EDA: variants seen among roughly 807,000 people sequenced by gnomAD.
EDA encodes ectodysplasin A.
Under a neutral mutation model 23.6 loss-of-function variants are expected in EDA, and 2 were observed. That is an observed-to-expected ratio of 0.08 (90% CI 0.03 to 0.27). The LOEUF (loss-of-function observed/expected upper bound fraction) is 0.27, where lower values mean the gene tolerates loss of function less well. Ranked by LOEUF, EDA falls within the 10% of genes least tolerant of loss-of-function variation. The probability of loss-of-function intolerance (pLI) is 1.00; values close to 1 mark genes in which losing one functional copy is unlikely to be tolerated. For synonymous variants in EDA, 131 were observed against 132.0 expected, an observed-to-expected ratio of 0.99 and a Z score of 0.05; for missense variants, 229 against 324.2, an observed-to-expected ratio of 0.71 and a Z score of 2.26.
chrX:69,620,893 C>T (rs766541771), intron 1 of EDA: 2 of 381,847 alleles, frequency 5.2e-6, no homozygotes, highest in Admixed American at 5.2e-5. Context: ...CTTTCTATAA[C>T]AGGCCTGTTT....
chrX:69,950,261 C>T (rs1446049587), intron 1 of EDA, among the ~76,000 whole-genome samples: 1 of 60,512 alleles, frequency 1.7e-5, no homozygotes, highest in Non-Finnish European at 3.0e-5. Context: ...ACAAACAACC[C>T]CATCAAAAAG....
In EDA at chrX:69,785,214, G is replaced by C. The variant is rs868734692; in HGVS notation, c.396+168510G>C. ...TGGGCTGAGACAATGGGGTTTTCTA[G>C]ATATACAATCATGTCGTCTGCAAAC... On this transcript the variant is annotated intron_variant, in intron 1 of 7. Transcript: ENST00000374552. Among the ~76,000 whole-genome samples the C allele has an allele frequency of 2.5e-3, 235 of 95,329 alleles. 1 individual carries two copies. Among genetic ancestry groups the C allele is most frequent in the South Asian group, 0.019 (34 of 1,828 alleles). The allele number at this position is 95,329 out of a possible 115,157, so 82.8% of individuals were successfully genotyped here.
intron 1 of EDA, among the ~76,000 whole-genome samples, chrX:69,943,518 CCAAA>C (rs2018791914): frequency 9.0e-6 from 1 of 111,247 alleles, no homozygotes; most frequent in Non-Finnish European, 1.9e-5. Flanking sequence ...TTACTTTCCC[CCAAA>C]CAGAGTCTCT....
intron 1 of EDA, among the ~76,000 whole-genome samples, chrX:69,667,119 C>CTTTTTCT (rs1933709365): frequency 1.2e-5 from 1 of 86,425 alleles, no homozygotes; most frequent in Non-Finnish European, 2.1e-5. Context: ...TTTTCTTTTT[C>CTTTTTCT]TTTTTTTTTT....
At chrX:69,638,257 C>T (rs55981750) in intron 1 of EDA, among the ~76,000 whole-genome samples, 13,453 of 111,078 alleles carry the variant, frequency 0.12, 792 homozygotes, top group Non-Finnish European at 0.18. Context: ...AAGAAATAAA[C>T]AATCACGTTG....
At chrX:70,010,543 G>T (rs1290082481) in intron 2 of EDA, among the ~76,000 whole-genome samples, 1 of 111,599 alleles carries the variant, frequency 9.0e-6, no homozygotes, top group African/African-American at 3.3e-5. Flanking sequence ...GTTGGGTCTT[G>T]TTTCTTCATT....
intron 1 of EDA, among the ~76,000 whole-genome samples, chrX:69,832,118 T>A (rs776840936): frequency 8.9e-6 from 1 of 111,911 alleles, no homozygotes; most frequent in East Asian, 2.8e-4. Context: ...TGCCAATGCC[T>A]GTGTCCTGAA....
chrX:69,864,714 G>C (rs751264860), intron 1 of EDA, among the ~76,000 whole-genome samples: 1 of 112,187 alleles, frequency 8.9e-6, no homozygotes, highest in Non-Finnish European at 1.9e-5. Flanking sequence ...AACATGGCCA[G>C]GCACAGTGGC....
intron 1 of EDA, among the ~76,000 whole-genome samples, chrX:69,743,535 T>C (rs2013524633): frequency 8.9e-6 from 1 of 111,990 alleles, no homozygotes; most frequent in Non-Finnish European, 1.9e-5. Flanking sequence ...TAAGATCATG[T>C]AACAAGTTCA....
intron 1 of EDA, among the ~76,000 whole-genome samples, chrX:69,701,836 T>C (rs2011541583): frequency 9.0e-6 from 1 of 111,648 alleles, no homozygotes; most frequent in African/African-American, 3.3e-5. Flanking sequence ...GTGGTCTCGA[T>C]GGCAGCATCC....
rs758453500 is a variant in EDA at position 69,679,717 on chromosome X, C to G, written c.396+63013C>G. 1.1e-4 allele frequency among the ~76,000 whole-genome samples: 12 copies of G among 110,651 alleles called. No homozygotes were observed. In the East Asian group the frequency reaches 3.4e-3, roughly 31 times the overall value. On this transcript the variant is annotated intron_variant, in intron 1 of 7. Transcript: ENST00000374552. ...CTATTTGATTCTTCTCTCTTTTTTTCTTTATTAGTCTTGCTAGCGGTTTAT... is the reference window on the plus strand; with the variant it reads ...CTATTTGATTCTTCTCTCTTTTTTTGTTTATTAGTCTTGCTAGCGGTTTAT...
At chrX:69,815,211 C>G (rs1432754847) in intron 1 of EDA, among the ~76,000 whole-genome samples, 1 of 112,447 alleles carries the variant, frequency 8.9e-6, no homozygotes, top group Non-Finnish European at 1.9e-5. Context: ...CTCAGCTGCT[C>G]CAGCCTGCCG....
At chrX:69,809,691 A>G (rs1478754428) in intron 1 of EDA, among the ~76,000 whole-genome samples, 7 of 111,667 alleles carry the variant, frequency 6.3e-5, no homozygotes, top group African/African-American at 2.3e-4. Flanking sequence ...TAACAGTATA[A>G]GAGGTACTTT....
At chrX:69,828,689 A>T (rs1157489179) in intron 1 of EDA, among the ~76,000 whole-genome samples, 1 of 112,303 alleles carries the variant, frequency 8.9e-6, no homozygotes, top group Non-Finnish European at 1.9e-5. Context: ...GGAGCTGTAG[A>T]CCGGAGCTGT....
chrX:69,897,893 A>C (rs1175971649), intron 1 of EDA, among the ~76,000 whole-genome samples: 1 of 111,900 alleles, frequency 8.9e-6, no homozygotes, highest in Non-Finnish European at 1.9e-5. Flanking sequence ...TAAGGTACAA[A>C]AGACTATTAA....
chrX:69,644,086 C>A (rs1332621634), intron 1 of EDA, among the ~76,000 whole-genome samples: 2 of 109,579 alleles, frequency 1.8e-5, no homozygotes, highest in Non-Finnish European at 3.8e-5. Context: ...GCTATTTGGG[C>A]TCTTTTTTGG....
intron 1 of EDA, among the ~76,000 whole-genome samples, chrX:69,884,656 A>G (rs938286871): frequency 6.2e-5 from 7 of 112,129 alleles, no homozygotes; most frequent in Admixed American, 9.4e-5. Flanking sequence ...GTGTTATTCT[A>G]TTTTATTGTT....
intron 1 of EDA, among the ~76,000 whole-genome samples, chrX:69,781,106 A>C (rs771453387): frequency 8.9e-6 from 1 of 111,782 alleles, no homozygotes; most frequent in South Asian, 3.8e-4. Context: ...ATAATAGTCC[A>C]TTGTATGAAA....
rs757247860 is a variant in EDA at position 69,912,629 on chromosome X, A to C, written c.397-44398A>C. Among the ~76,000 whole-genome samples the C allele has an allele frequency of 1.9e-3, 207 of 110,883 alleles. 2 individuals carry two copies. Among genetic ancestry groups the C allele is most frequent in the African/African-American group, 5.6e-3 (171 of 30,519 alleles). On this transcript the variant is annotated intron_variant, in intron 1 of 7. Coordinates refer to ENST00000374552, the MANE Select transcript of EDA (RefSeq NM_001399.5). ...AGTAGTATTTTGAATGGAATCTTTT[A>C]TTTTTCTGAGCAGTAGGTCTCAATA...
Sources: allele counts gnomAD v4.1 joint callset (sites outside exome capture counted in the v4.1 genomes callset), GRCh38; gene constraint gnomAD v4.1.1; transcripts MANE v1.5; gene names NCBI Gene and HGNC (gene_info 2026-07-23, HGNC 2026-07-21).